Variants in AAK1 observed in about 807,000 individuals in gnomAD.
AAK1 encodes the protein AP2 associated kinase 1.
A neutral mutation model predicts 116.0 loss-of-function variants in AAK1; 37 were observed. The ratio of observed to expected loss-of-function variants is 0.32; its 90% CI spans 0.25 to 0.42. The LOEUF is 0.42. AAK1 is among the 10% of genes least tolerant of loss of function. The probability of loss-of-function intolerance (pLI) is 1.00; values close to 1 mark genes in which losing one functional copy is unlikely to be tolerated. For missense variants in AAK1, 919 were observed against 1,170.6 expected, an observed-to-expected ratio of 0.79 and a Z score of 3.14; for synonymous variants, 458 against 439.9, an observed-to-expected ratio of 1.04 and a Z score of -0.51.
At chr2:69,587,706 T>C (rs1388370339) in intron 2 of AAK1, among the ~76,000 whole-genome samples, 2 of 152,102 alleles carry the variant, frequency 1.3e-5, no homozygotes, top group Admixed American at 6.5e-5. Context: ...CCTCAGGTGA[T>C]CCACCTGCCT....
rs1270311734 is a variant in AAK1 at position 69,496,100 on chromosome 2, G to C, written c.2270-20C>G. On this transcript the variant is annotated intron_variant, in intron 16 of 21. Transcript: ENST00000409085. The stretch of plus-strand genomic sequence containing the variant: ...TTTCAGCTGGAGTTAGGTTGGAGGG[G>C]AAGGAGGAGTCAGGAGAGAAAAAAA... 1.3e-6 allele frequency: 2 copies of C among 1,534,246 alleles called. No homozygotes were observed. Among genetic ancestry groups the C allele is most frequent in the Non-Finnish European group, 1.8e-6 (2 of 1,131,704 alleles).
At chr2:69,565,964 G>A (rs1260674387) in intron 2 of AAK1, among the ~76,000 whole-genome samples, 2 of 151,398 alleles carry the variant, frequency 1.3e-5, no homozygotes. Context: ...GTGAGAGTTC[G>A]GGTACACTGT....
chr2:69,519,640 T>A (rs944927615), intron 11 of AAK1, among the ~76,000 whole-genome samples: 1 of 152,186 alleles, frequency 6.6e-6, no homozygotes, highest in Non-Finnish European at 1.5e-5. Flanking sequence ...CTTATCCCAG[T>A]CTGGATGCGT....
chr2:69,586,703 T>C (rs578261202), intron 2 of AAK1, among the ~76,000 whole-genome samples: 1 of 152,166 alleles, frequency 6.6e-6, no homozygotes, highest in Admixed American at 6.5e-5. Flanking sequence ...GGAAAGATTA[T>C]CCCTAGGGCC....
chr2:69,493,158 C>CCAAA (rs1675603258), intron 17 of AAK1, among the ~76,000 whole-genome samples: 1 of 37,566 alleles, frequency 2.7e-5, no homozygotes, highest in South Asian at 1.4e-3. Context: ...GACTCCGTCT[C>CCAAA]AAAAAAAAAA....
At chr2:69,477,809 A>G (rs2312205) in intron 20 of AAK1, among the ~76,000 whole-genome samples, 33,366 of 152,166 alleles carry the variant, frequency 0.22, 4,091 homozygotes, top group African/African-American at 0.31. Context: ...CAAACCACAG[A>G]GGTGATTATT....
chr2:69,503,726 G>A (rs1558916009), intron 16 of AAK1, among the ~76,000 whole-genome samples: 1 of 152,090 alleles, frequency 6.6e-6, no homozygotes, highest in Non-Finnish European at 1.5e-5. Flanking sequence ...TCACCATGTT[G>A]GCCAGGCTGG....
At chr2:69,544,939 T>C (rs889754585) in intron 3 of AAK1, among the ~76,000 whole-genome samples, 1 of 152,166 alleles carries the variant, frequency 6.6e-6, no homozygotes, top group Admixed American at 6.5e-5. Context: ...AAAAATAAAA[T>C]TGATGTTTTT....
chr2:69,504,591 C>T (rs945476066), intron 16 of AAK1, among the ~76,000 whole-genome samples: 3 of 151,862 alleles, frequency 2.0e-5, no homozygotes, highest in African/African-American at 7.3e-5. Context: ...AACATGGTGA[C>T]ATCCCGTCTC....
chr2:69,518,876 A>G (rs1676703294), intron 12 of AAK1, 78 bp downstream of exon 12: 11 of 1,456,210 alleles, frequency 7.6e-6, no homozygotes, highest in Admixed American at 2.7e-5. Context: ...GCTCTCTGGG[A>G]AGACACCTTT....
intron 16 of AAK1, among the ~76,000 whole-genome samples, chr2:69,497,042 T>A (rs1675773246): frequency 1.3e-5 from 2 of 152,158 alleles, no homozygotes; most frequent in African/African-American, 4.8e-5. Context: ...TCTGGCACAA[T>A]TTTCTTATTT....
chr2:69,486,528 A>C (rs1675308874), intron 17 of AAK1, among the ~76,000 whole-genome samples: 1 of 152,100 alleles, frequency 6.6e-6, no homozygotes, highest in African/African-American at 2.4e-5. Flanking sequence ...TGGGAGTGAG[A>C]GCACAGGCCA....
At position 69,602,241 on chromosome 2, in the gene AAK1, A is replaced by G. The variant is rs566637564; in HGVS notation, c.163+40637T>C. Among the ~76,000 whole-genome samples the G allele has an allele frequency of 5.9e-5, 9 of 152,344 alleles. No homozygotes were observed. The South Asian group carries it at 1.9e-3, about 32-fold the overall frequency. On this transcript the variant is annotated intron_variant, in intron 2 of 21. Transcript: ENST00000409085. ...GATCCCAGATTAAATCCTGAACCGA[A>G]GGAAAATGTTTTTCTTTTGCTACAA...
chr2:69,606,131 G>A (rs1573000842), intron 2 of AAK1, among the ~76,000 whole-genome samples: 2 of 152,088 alleles, frequency 1.3e-5, no homozygotes, highest in Admixed American at 6.5e-5. Flanking sequence ...CATCTTTAAG[G>A]TTCAGCATAA....
chr2:69,619,039 G>C (rs1413330225), intron 2 of AAK1, among the ~76,000 whole-genome samples: 1 of 152,028 alleles, frequency 6.6e-6, no homozygotes, highest in Non-Finnish European at 1.5e-5. Context: ...CTGCTCCTTT[G>C]ATTTCTGTGC....
intron 12 of AAK1, among the ~76,000 whole-genome samples, chr2:69,517,553 G>GAGAAATATC (rs2104989830): frequency 7.9e-6 from 1 of 127,128 alleles, no homozygotes; most frequent in South Asian, 2.4e-4. Flanking sequence ...CAGTGAAATA[G>GAGAAATATC]AGGCCAGAGA....
intron 16 of AAK1, among the ~76,000 whole-genome samples, chr2:69,503,432 T>C (rs886962611): frequency 1.3e-5 from 2 of 152,222 alleles, no homozygotes; most frequent in African/African-American, 4.8e-5. Flanking sequence ...TAATAGTAAA[T>C]ACTGGAATAA....
At chr2:69,507,604 A>AC in intron 14 of AAK1, 26 bp from the exon 15 acceptor site, 1 of 1,543,890 alleles carries the variant, frequency 6.5e-7, no homozygotes, top group Non-Finnish European at 8.7e-7. Flanking sequence ...CCCCCACGAA[A>AC]CAAAAAGATA....
At chr2:69,559,699 G>A (rs1347734330) in intron 2 of AAK1, among the ~76,000 whole-genome samples, 1 of 152,228 alleles carries the variant, frequency 6.6e-6, no homozygotes, top group Admixed American at 6.5e-5. Context: ...ATGGGCAGAA[G>A]GTGGGGTGGT....
Sources: gnomAD v4.1 joint callset for allele counts (sites outside exome capture counted in the v4.1 genomes callset) on GRCh38, gnomAD v4.1.1 for gene constraint, MANE v1.5 for transcripts, NCBI Gene and HGNC (gene_info 2026-07-23, HGNC 2026-07-21) for gene names.